The following DOCK2 variants were observed in gnomAD, a reference collection of about 807,000 sequenced individuals.
The protein encoded by DOCK2 is dedicator of cytokinesis 2, also known as dedicator of cytokinesis protein 2.
A neutral mutation model predicts 248.9 loss-of-function variants in DOCK2; 87 were observed. The observed-to-expected ratio is 0.35, with a 90% CI of 0.29 to 0.42. DOCK2 has a LOEUF of 0.42. Ranked by LOEUF, DOCK2 falls within the 10% of genes least tolerant of loss-of-function variation. The pLI is 1.00. For missense variants in DOCK2, 1,747 were observed against 2,300.2 expected (o/e 0.76, Z 4.92); for synonymous variants, 805 against 821.6 (o/e 0.98, Z 0.35).
chr5:169,776,482 A>G (rs531483854), intron 25 of DOCK2, among the ~76,000 whole-genome samples: 1 of 152,246 alleles, frequency 6.6e-6, no homozygotes, highest in African/African-American at 2.4e-5. Context: ...TATATTTTAT[A>G]TAATTGGGAT....
At chr5:169,867,756 A>G (rs1771682351) in intron 27 of DOCK2, among the ~76,000 whole-genome samples, 1 of 152,154 alleles carries the variant, frequency 6.6e-6, no homozygotes, top group African/African-American at 2.4e-5. Flanking sequence ...TCCAGGAGGC[A>G]TCACCTGGTA....
At chr5:169,982,035 A>T (rs180736991) in intron 27 of DOCK2, among the ~76,000 whole-genome samples, 1 of 150,504 alleles carries the variant, frequency 6.6e-6, no homozygotes, top group East Asian at 1.9e-4. Flanking sequence ...GAACTTTTTT[A>T]TATAAAAAAG....
intron 1 of DOCK2, among the ~76,000 whole-genome samples, chr5:169,639,511 C>T (rs955881507): frequency 1.3e-5 from 2 of 152,332 alleles, no homozygotes; most frequent in African/African-American, 2.4e-5. Context: ...TAAGGTGGCT[C>T]ATTCTATATC....
At chr5:169,779,547 C>T (rs1765575836) in intron 25 of DOCK2, among the ~76,000 whole-genome samples, 1 of 152,136 alleles carries the variant, frequency 6.6e-6, no homozygotes, top group African/African-American at 2.4e-5. Context: ...GGATAATTTC[C>T]TAGGGCCAGC....
intron 27 of DOCK2, chr5:169,883,686 G>T: frequency 6.4e-7 from 1 of 1,551,126 alleles, no homozygotes; most frequent in Non-Finnish European, 8.7e-7. Flanking sequence ...GATGGTGCCT[G>T]GTTGCTTGAG....
intron 33 of DOCK2, among the ~76,000 whole-genome samples, chr5:170,021,573 G>A (rs1755728657): frequency 1.3e-5 from 2 of 152,130 alleles, no homozygotes; most frequent in African/African-American, 4.8e-5. Flanking sequence ...TCTGTGGCAT[G>A]CACCCACCTG....
chr5:169,931,465 A>G (rs1298164428), intron 27 of DOCK2, among the ~76,000 whole-genome samples: 2 of 152,238 alleles, frequency 1.3e-5, no homozygotes, highest in African/African-American at 4.8e-5. Context: ...ATCCAAGTGC[A>G]CTAAGTTCCT....
intron 26 of DOCK2, among the ~76,000 whole-genome samples, chr5:169,804,175 A>G (rs1055034379): frequency 2.6e-5 from 4 of 152,084 alleles, no homozygotes; most frequent in African/African-American, 9.7e-5. Flanking sequence ...ATGTTCCTTT[A>G]CTGGTCAGAT....
chr5:169,701,677 G>A (rs1760978136), intron 13 of DOCK2, among the ~76,000 whole-genome samples: 1 of 152,006 alleles, frequency 6.6e-6, no homozygotes, highest in Admixed American at 6.6e-5. Flanking sequence ...ACCACACTCG[G>A]CTAATTTTTT....
intron 1 of DOCK2, among the ~76,000 whole-genome samples, chr5:169,653,238 T>G (rs1757903895): frequency 6.6e-6 from 1 of 152,168 alleles, no homozygotes. Context: ...ATAAGCCACT[T>G]CCAGAAAAGT....
chr5:169,900,013 T>C (rs1217689944), intron 27 of DOCK2, among the ~76,000 whole-genome samples: 2 of 152,184 alleles, frequency 1.3e-5, no homozygotes, highest in Admixed American at 1.3e-4. Flanking sequence ...TCTCCAGCAC[T>C]CGAAACCACA....
chr5:169,728,705 T>G (rs1024380051), intron 22 of DOCK2, among the ~76,000 whole-genome samples: 12 of 152,216 alleles, frequency 7.9e-5, no homozygotes, highest in African/African-American at 2.7e-4. Context: ...TTGAAGTGCA[T>G]TTGATTTCCT....
chr5:169,824,824 GA>G (rs1768734766), intron 26 of DOCK2, among the ~76,000 whole-genome samples: 1 of 152,114 alleles, frequency 6.6e-6, no homozygotes, highest in South Asian at 2.1e-4. Context: ...ACTACCATCA[GA>G]ATGAACAGGC....
chr5:169,702,468 T>TG (rs1380399629), intron 14 of DOCK2, 41 bp downstream of exon 14: 1 of 1,608,352 alleles, frequency 6.2e-7, no homozygotes, highest in Non-Finnish European at 8.5e-7. Context: ...GGGTCCGCCT[T>TG]GGGGGCCTCT....
intron 25 of DOCK2, among the ~76,000 whole-genome samples, chr5:169,799,804 C>G (rs937774161): frequency 4.7e-5 from 7 of 149,780 alleles, no homozygotes; most frequent in Admixed American, 2.0e-4. Context: ...CTTAGGCCAA[C>G]GAGTTGGTTT....
rs1755758560 is a variant in DOCK2, at chr5:170,022,361, G to A, written c.3381+3253G>A. On this transcript the variant is annotated intron_variant, in intron 33 of 51. Transcript: ENST00000520908. ...GGGGGCTGAACAAGAGGCAACCCCA[G>A]GGCAATCTCTTTCTCTGCTCTGGGT... Among the ~76,000 whole-genome samples the A allele has an allele frequency of 2.6e-5, 4 of 152,342 alleles. No individual in the cohort carries two copies. The South Asian group carries it at 8.3e-4, about 32-fold the overall frequency.
At chr5:169,829,809 G>A (rs1391891237) in intron 26 of DOCK2, among the ~76,000 whole-genome samples, 1 of 152,078 alleles carries the variant, frequency 6.6e-6, no homozygotes, top group South Asian at 2.1e-4. Flanking sequence ...ATATGAAATG[G>A]GGCCTTCAAA....
In DOCK2 at chr5:169,674,394, A is replaced by T. The variant is rs746532024; in HGVS notation, c.419A>T (p.Glu140Val). ...QLLSGTLPKD[E>V]LKELKQKVTS... ...CTCTCAGGAACCTTACCCAAGGATGAGCTGAAGGAACTGAAGCAGAAAGTC... is the reference window on the plus strand; with the variant it reads ...CTCTCAGGAACCTTACCCAAGGATGTGCTGAAGGAACTGAAGCAGAAAGTC... The change falls in exon 6 of 52, where the codon GAG (glutamate) becomes GTG (valine). Residue 140 changes from glutamate to valine, a missense_variant. By Grantham distance (121) the Glu-to-Val change is moderately radical. Around this residue, in one of 4 missense-constraint regions of DOCK2, gnomAD observed 375 missense variants for 510.9 expected, o/e 0.73. Coordinates refer to ENST00000520908, the MANE Select transcript of DOCK2 (RefSeq NM_004946.3). The T allele has an allele frequency of 2.0e-5, 32 of 1,614,204 alleles. No individual in the cohort carries two copies. The highest frequency in any genetic ancestry group is 2.7e-5 in the Non-Finnish European group (32 of 1,180,022).
At chr5:170,071,721 C>T (rs1052858854) in intron 46 of DOCK2, among the ~76,000 whole-genome samples, 1 of 152,064 alleles carries the variant, frequency 6.6e-6, no homozygotes, top group Non-Finnish European at 1.5e-5. Flanking sequence ...GGCCTCCTTC[C>T]CTAAGAGTGA....
Sources: gnomAD v4.1 joint callset for allele counts (sites outside exome capture counted in the v4.1 genomes callset) on GRCh38, gnomAD v4.1.1 for gene constraint, gnomAD v4.1.1 regional missense constraint, MANE v1.5 for transcripts, NCBI Gene and HGNC (gene_info 2026-07-23, HGNC 2026-07-21) for gene names.